DGKB: variants seen among roughly 807,000 people sequenced by gnomAD.
DGKB encodes the protein 90 kDa diacylglycerol kinase.
In DGKB, 67 loss-of-function variants were observed where a neutral mutation model predicts 114.3. That is an observed-to-expected ratio of 0.59 (90% CI 0.48 to 0.72). The LOEUF is 0.72. Ranked by LOEUF, DGKB falls within the 30% of genes least tolerant of loss-of-function variation. DGKB has a pLI of 0.00. For missense variants in DGKB, 907 were observed against 975.2 expected (o/e 0.93, Z 0.93); for synonymous variants, 398 against 323.1 (o/e 1.23, Z -2.49).
At chr7:14,695,498 T>TTTTTTG (rs1823686152) in intron 8 of DGKB, among the ~76,000 whole-genome samples, 1 of 117,768 alleles carries the variant, frequency 8.5e-6, no homozygotes, top group Non-Finnish European at 1.8e-5. Flanking sequence ...CTCTCTCTTT[T>TTTTTTG]TTTTTTTTTT....
At chr7:14,686,955 C>T (rs2128979276) in intron 9 of DGKB, among the ~76,000 whole-genome samples, 1 of 152,152 alleles carries the variant, frequency 6.6e-6, no homozygotes, top group Non-Finnish European at 1.5e-5. Context: ...AGGAGAGGGC[C>T]AGTTTGCTTA....
intron 2 of DGKB, among the ~76,000 whole-genome samples, chr7:14,798,911 G>A (rs1477717773): frequency 3.9e-5 from 6 of 152,270 alleles, no homozygotes; most frequent in Admixed American, 1.3e-4. Flanking sequence ...CAATACTACC[G>A]TCAATATCTA....
intron 4 of DGKB, among the ~76,000 whole-genome samples, chr7:14,737,962 T>A (rs1831996852): frequency 6.7e-6 from 1 of 150,012 alleles, no homozygotes. Context: ...AAACTCTGAG[T>A]AATATAAAAA....
chr7:14,500,475 T>C (rs867231839), intron 20 of DGKB, among the ~76,000 whole-genome samples: 1,287 of 99,516 alleles, frequency 0.013, 21 homozygotes, highest in African/African-American at 0.064. Flanking sequence ...AGTTTCTTTA[T>C]TTTTTTTTTT....
intron 1 of DGKB, among the ~76,000 whole-genome samples, chr7:14,952,749 A>G (rs1385757550): frequency 6.6e-6 from 1 of 151,978 alleles, no homozygotes; most frequent in East Asian, 1.9e-4. Context: ...ACAAAGCGAG[A>G]CTCTGTCTCA....
At chr7:14,329,290 G>C (rs1263983668) in intron 23 of DGKB, among the ~76,000 whole-genome samples, 1 of 151,750 alleles carries the variant, frequency 6.6e-6, no homozygotes, top group African/African-American at 2.4e-5. Context: ...GCAGAATCAA[G>C]TGCTAGAGTG....
rs1486606046 is a variant in DGKB at position 14,145,348 on chromosome 7, TA to T, written c.*3782del. On this transcript the variant is annotated 3_prime_UTR_variant, in exon 26 of 26. Coordinates refer to ENST00000402815, the MANE Select transcript of DGKB (RefSeq NM_001350709.2). ...GGGTTTAATCTTTTAATAGAGATAT[TA>T]TTCAGTTATTTGAAAAATAACGGAG... is the stretch of plus-strand genomic sequence containing the variant. 1 of 152,236 alleles carries T rather than the reference TA, an allele frequency of 6.6e-6. No individual in the cohort carries two copies. The highest frequency in any genetic ancestry group is 1.5e-5 in the Non-Finnish European group (1 of 68,036). The allele number at this position is 152,236 out of a possible 1,614,324, so 9.4% of individuals were successfully genotyped here.
chr7:14,834,521 C>T (rs1462561273), intron 2 of DGKB, among the ~76,000 whole-genome samples: 4 of 152,092 alleles, frequency 2.6e-5, no homozygotes, highest in African/African-American at 4.8e-5. Context: ...AGCCAGCACA[C>T]AGTCACGAGT....
At chr7:14,335,771 G>A (rs1018112001) in intron 23 of DGKB, among the ~76,000 whole-genome samples, 2 of 151,810 alleles carry the variant, frequency 1.3e-5, no homozygotes, top group Non-Finnish European at 2.9e-5. Flanking sequence ...TTTTTTTTAA[G>A]AGACAGAGTC....
intron 21 of DGKB, among the ~76,000 whole-genome samples, chr7:14,353,336 C>CTGAG: frequency 6.6e-6 from 1 of 152,122 alleles, no homozygotes; most frequent in Non-Finnish European, 1.5e-5. Context: ...CTAGAGCTGA[C>CTGAG]TAATGGAACC....
intron 13 of DGKB, among the ~76,000 whole-genome samples, chr7:14,634,645 G>C (rs1460116785): frequency 6.6e-6 from 1 of 151,146 alleles, no homozygotes; most frequent in East Asian, 1.9e-4. Flanking sequence ...GTAAGAGACA[G>C]AGAAAAAAAA....
At chr7:14,862,516 C>T (rs1851135091) in intron 1 of DGKB, among the ~76,000 whole-genome samples, 1 of 151,942 alleles carries the variant, frequency 6.6e-6, no homozygotes, top group Admixed American at 6.6e-5. Flanking sequence ...TTTCATCTTA[C>T]AGATAAGAAA....
At chr7:14,220,284 T>C (rs1052502890) in intron 23 of DGKB, among the ~76,000 whole-genome samples, 5 of 151,588 alleles carry the variant, frequency 3.3e-5, no homozygotes, top group Non-Finnish European at 5.9e-5. Flanking sequence ...TAAAGCATTG[T>C]TAATGTGGGG....
intron 21 of DGKB, among the ~76,000 whole-genome samples, chr7:14,358,958 A>T (rs1414049045): frequency 1.3e-5 from 2 of 152,176 alleles, no homozygotes; most frequent in Admixed American, 1.3e-4. Flanking sequence ...CTTAAAGTTC[A>T]TATGGGACCA....
chr7:14,973,521 TTTTTTG>T (rs1787608050), intron 1 of DGKB, among the ~76,000 whole-genome samples: 1 of 134,870 alleles, frequency 7.4e-6, no homozygotes, highest in Non-Finnish European at 1.6e-5. Flanking sequence ...TGTTTTTTGT[TTTTTTG>T]TTTTTTTTTT....
chr7:14,407,370 C>T (rs1824107894), intron 21 of DGKB, among the ~76,000 whole-genome samples: 1 of 152,082 alleles, frequency 6.6e-6, no homozygotes, highest in Non-Finnish European at 1.5e-5. Flanking sequence ...TCGTGCTTAT[C>T]AGACTGTGGT....
intron 1 of DGKB, among the ~76,000 whole-genome samples, chr7:14,927,957 G>A (rs1033757138): frequency 2.6e-5 from 4 of 151,670 alleles, no homozygotes; most frequent in African/African-American, 9.7e-5. Context: ...AGTAAATTCT[G>A]AGCAAGTCTA....
At chr7:14,629,554 A>G (rs1046871480) in intron 14 of DGKB, among the ~76,000 whole-genome samples, 1 of 152,106 alleles carries the variant, frequency 6.6e-6, no homozygotes, top group African/African-American at 2.4e-5. Context: ...TTTTAGGGAA[A>G]CAATACCATT....
intron 23 of DGKB, 83 bp from the exon 24 acceptor site, chr7:14,178,234 A>C: frequency 2.8e-6 from 4 of 1,429,076 alleles, no homozygotes; most frequent in Non-Finnish European, 3.8e-6. Context: ...ATGGAGATTA[A>C]AAAAAATAAC....
Sources: allele counts gnomAD v4.1 joint callset (sites outside exome capture counted in the v4.1 genomes callset), GRCh38; gene constraint gnomAD v4.1.1; transcripts MANE v1.5; gene names NCBI Gene and HGNC (gene_info 2026-07-23, HGNC 2026-07-21).